The following SIPA1L2 variants were observed in gnomAD, a reference collection of about 807,000 sequenced individuals.
SIPA1L2 encodes the protein signal-induced proliferation-associated 1-like protein 2.
A neutral mutation model predicts 163.9 loss-of-function variants in SIPA1L2; 56 were observed. The ratio of observed to expected loss-of-function variants is 0.34; its 90% CI spans 0.28 to 0.43. The LOEUF is 0.43. Among genes scored for constraint, SIPA1L2 ranks in the 20% least tolerant of loss-of-function variants. The pLI, the probability that SIPA1L2 is intolerant of heterozygous loss-of-function variation, is 1.00. For synonymous variants in SIPA1L2, 877 were observed against 865.7 expected (o/e 1.01, Z -0.23); for missense variants, 1,974 against 2,193.5 (o/e 0.90, Z 2.00).
chr1:232,577,882 A>C (rs1660162713), intron 1 of SIPA1L2, among the ~76,000 whole-genome samples: 2 of 152,212 alleles, frequency 1.3e-5, no homozygotes, highest in East Asian at 3.8e-4. Context: ...TTAGGAAATT[A>C]CATAAACTTG....
intron 1 of SIPA1L2, among the ~76,000 whole-genome samples, chr1:232,623,326 A>C (rs6424241): frequency 0.67 from 101,649 of 151,586 alleles, 34,613 homozygotes; most frequent in East Asian, 0.89. Context: ...TGAGTTCAGA[A>C]CAGGCACAGT....
chr1:232,586,068 A>C (rs1262221085), intron 1 of SIPA1L2, among the ~76,000 whole-genome samples: 1 of 152,228 alleles, frequency 6.6e-6, no homozygotes, highest in African/African-American at 2.4e-5. Context: ...GCTTGGCTTC[A>C]TCAGCTAACT....
chr1:232,444,748 G>C (rs1340714187), intron 11 of SIPA1L2, among the ~76,000 whole-genome samples: 2 of 152,184 alleles, frequency 1.3e-5, no homozygotes, highest in African/African-American at 4.8e-5. Context: ...GAGAGGATGA[G>C]TACCAGGCCT....
At chr1:232,567,322 T>C (rs1659463911) in intron 2 of SIPA1L2, among the ~76,000 whole-genome samples, 1 of 152,168 alleles carries the variant, frequency 6.6e-6, no homozygotes, top group Admixed American at 6.5e-5. Context: ...GGCCTGAAAA[T>C]ACACTGCAAA....
chr1:232,543,890 A>T (rs892230044), intron 2 of SIPA1L2, among the ~76,000 whole-genome samples: 4 of 152,190 alleles, frequency 2.6e-5, no homozygotes, highest in African/African-American at 9.7e-5. Flanking sequence ...TATAAAATAT[A>T]AAATGTTAAT....
intron 1 of SIPA1L2, among the ~76,000 whole-genome samples, chr1:232,618,268 C>T (rs991897815): frequency 6.6e-6 from 1 of 152,174 alleles, no homozygotes; most frequent in Non-Finnish European, 1.5e-5. Context: ...CAGCAGCAAA[C>T]GAACAACACC....
intron 10 of SIPA1L2, among the ~76,000 whole-genome samples, chr1:232,454,933 T>C (rs1663807967): frequency 6.6e-6 from 1 of 152,202 alleles, no homozygotes; most frequent in Admixed American, 6.5e-5. Flanking sequence ...AAGGAGTCCT[T>C]GAAAGTCAGA....
At chr1:232,452,418 A>G (rs1007249893) in intron 10 of SIPA1L2, among the ~76,000 whole-genome samples, 2 of 151,820 alleles carry the variant, frequency 1.3e-5, no homozygotes, top group African/African-American at 2.4e-5. Flanking sequence ...AGGCCCCCAC[A>G]GTTAACAGAC....
intron 17 of SIPA1L2, among the ~76,000 whole-genome samples, chr1:232,427,255 T>C (rs1462674719): frequency 6.6e-6 from 1 of 152,276 alleles, no homozygotes; most frequent in Non-Finnish European, 1.5e-5. Context: ...GGAGTTCTTA[T>C]GGGATTCCCT....
At chr1:232,467,524 A>G (rs1022038702) in intron 8 of SIPA1L2, among the ~76,000 whole-genome samples, 2 of 152,070 alleles carry the variant, frequency 1.3e-5, no homozygotes, top group African/African-American at 4.8e-5. Flanking sequence ...ACCTGTTTGG[A>G]CTTGTGATTA....
intron 1 of SIPA1L2, among the ~76,000 whole-genome samples, chr1:232,609,217 G>C (rs1428412154): frequency 6.6e-6 from 1 of 152,076 alleles, no homozygotes; most frequent in East Asian, 1.9e-4. Context: ...TAATACAAAA[G>C]TATACAAAAT....
At position 232,442,416 on chromosome 1, in the gene SIPA1L2, C is replaced by T. The variant is rs1330905064; in HGVS notation, c.3438-548G>A. ...TACAAAAATTAGCCAGGCGTGGTGG[C>T]GAGCGCCTGTAATCCCAGCTACCCA... On this transcript the variant is annotated intron_variant, in intron 12 of 22. Coordinates refer to ENST00000674635, the MANE Select transcript of SIPA1L2 (RefSeq NM_020808.5). Among the ~76,000 whole-genome samples the T allele has an allele frequency of 6.6e-5, 10 of 151,684 alleles. No homozygotes were observed. In the South Asian group the frequency reaches 1.0e-3, roughly 16 times the overall value.
At chr1:232,455,615 AGCTTGCAGCGAGGCG>A (rs1273047729) in intron 10 of SIPA1L2, among the ~76,000 whole-genome samples, 4 of 71,330 alleles carry the variant, frequency 5.6e-5, no homozygotes, top group Admixed American at 2.0e-4. Flanking sequence ...CGTGAGGCGG[AGCTTGCAGCGAGGCG>A]GAGCTTGCAG....
At chr1:232,511,619 A>G (rs1666983856) in intron 3 of SIPA1L2, among the ~76,000 whole-genome samples, 1 of 152,178 alleles carries the variant, frequency 6.6e-6, no homozygotes, top group Non-Finnish European at 1.5e-5. Flanking sequence ...TTAACGTTAT[A>G]AGGGACTGAA....
intron 1 of SIPA1L2, among the ~76,000 whole-genome samples, chr1:232,625,560 C>T (rs1663033353): frequency 6.6e-6 from 1 of 152,084 alleles, no homozygotes; most frequent in Admixed American, 6.5e-5. Context: ...TTGAGTCTGG[C>T]CACCAGAAAA....
intron 2 of SIPA1L2, among the ~76,000 whole-genome samples, chr1:232,566,546 T>C (rs1301132927): frequency 6.6e-6 from 1 of 152,338 alleles, no homozygotes; most frequent in South Asian, 2.1e-4. Context: ...TATAACATGG[T>C]ACTATAAATG....
rs1667184458 is a variant in SIPA1L2, at chr1:232,515,584, G to GGCTGGT, written c.-251_-246dup. The GGCTGGT allele has an allele frequency of 2.5e-5, 11 of 434,596 alleles. No individual in the cohort carries two copies. Among genetic ancestry groups the GGCTGGT allele is most frequent in the Admixed American group, 1.2e-4 (3 of 25,472 alleles). The allele number at this position is 434,596 out of a possible 1,614,324, so 26.9% of individuals were successfully genotyped here. A position where few individuals can be genotyped will look rare whatever the true frequency, so the allele number is the denominator to read the frequency against. ...TTCAAAAGCATTCCTTAAGACATCT[G>GGCTGGT]GCTGGTCATGAGTATTTCCTTCACC... On this transcript the variant is annotated 5_prime_UTR_variant, in exon 3 of 23. Coordinates refer to ENST00000674635, the MANE Select transcript of SIPA1L2 (RefSeq NM_020808.5).
chr1:232,536,221 C>A lies in SIPA1L2; in HGVS notation c.-269-20613G>T, dbSNP rs192142562. On this transcript the variant is annotated intron_variant, in intron 2 of 22. Coordinates refer to ENST00000674635, the MANE Select transcript of SIPA1L2 (RefSeq NM_020808.5). ...ATCCCATTCCAGCTTGGGCCTGAGG[C>A]ATCTCTCGCCTCTCTCCCGAAATCC... Among the ~76,000 whole-genome samples, 28 of 152,318 alleles carry A rather than the reference C, an allele frequency of 1.8e-4. No individual in the cohort carries two copies. The East Asian group carries it at 3.7e-3, about 20-fold the overall frequency.
rs1664449734 is a variant in SIPA1L2 at position 232,465,322 on chromosome 1, G to C, written c.2338C>G (p.Leu780Val). 6.2e-7 allele frequency: 1 copy of C among 1,614,142 alleles called. No individual in the cohort carries two copies. The highest frequency in any genetic ancestry group is 2.2e-5 in the East Asian group (1 of 44,868). Residue 780 changes from leucine to valine, a missense_variant, in exon 9 of 23, where the codon CTT (leucine) becomes GTT (valine). Physicochemically the swap from Leu to Val is conservative, Grantham distance 32. Around this residue, in one of 3 missense-constraint regions of SIPA1L2, gnomAD observed 288 missense variants for 418.9 expected, o/e 0.69. Coordinates refer to ENST00000674635, the MANE Select transcript of SIPA1L2 (RefSeq NM_020808.5). This position sits in a 1 kb window ranked among gnomAD's most constrained non-coding sequence, Gnocchi z 4.1. ...TCTGCATTGATTACTTTGGCTAAAAGGAAGTCCCGGAACACGGCTGACTTT... is the reference window on the plus strand; with the variant it reads ...TCTGCATTGATTACTTTGGCTAAAACGAAGTCCCGGAACACGGCTGACTTT... ...FPKSAVFRDF[L>V]LAKVINAENA... is the part of the protein sequence containing the mutation.
Sources: gnomAD v4.1 joint callset for allele counts (sites outside exome capture counted in the v4.1 genomes callset) on GRCh38, gnomAD v4.1.1 for gene constraint, gnomAD v4.1.1 regional missense constraint, Gnocchi (gnomAD v3.1) non-coding constraint, MANE v1.5 for transcripts, NCBI Gene and HGNC (gene_info 2026-07-23, HGNC 2026-07-21) for gene names.